The following PLEKHA6 variants were observed in gnomAD, a reference collection of about 807,000 sequenced individuals.
PLEKHA6 encodes the protein pleckstrin homology domain containing A6, also known as pleckstrin homology domain-containing family A member 6.
In PLEKHA6, 60 loss-of-function variants were observed where a neutral mutation model predicts 116.7. That is an observed-to-expected ratio of 0.51 (90% CI 0.42 to 0.64). PLEKHA6 has a LOEUF of 0.64. Among genes scored for constraint, PLEKHA6 ranks in the 30% least tolerant of loss-of-function variants. The probability of loss-of-function intolerance (pLI) is 0.00; values close to 1 mark genes in which losing one functional copy is unlikely to be tolerated. For synonymous variants in PLEKHA6, 489 were observed against 556.1 expected (o/e 0.88, Z 1.70); for missense variants, 1,338 against 1,422.7 (o/e 0.94, Z 0.96).
chr1:204,357,153 T>C (rs1179090609), intron 1 of PLEKHA6, among the ~76,000 whole-genome samples: 1 of 152,232 alleles, frequency 6.6e-6, no homozygotes, highest in Non-Finnish European at 1.5e-5. Context: ...GGGTGGAACT[T>C]AGAAGTCGGC....
chr1:204,225,995 A>G (rs1341140476), intron 21 of PLEKHA6, among the ~76,000 whole-genome samples: 3 of 152,244 alleles, frequency 2.0e-5, no homozygotes, highest in Admixed American at 2.0e-4. Flanking sequence ...CTCACTGATT[A>G]CTCTGTCCAT....
chr1:204,357,068 A>C (rs1414061255), intron 1 of PLEKHA6, among the ~76,000 whole-genome samples: 1 of 152,270 alleles, frequency 6.6e-6, no homozygotes, highest in Non-Finnish European at 1.5e-5. Context: ...TTTTAATCAA[A>C]AGAAAACTAT....
chr1:204,338,408 G>A (rs972645248), intron 1 of PLEKHA6, among the ~76,000 whole-genome samples: 4 of 152,080 alleles, frequency 2.6e-5, no homozygotes, highest in Admixed American at 6.6e-5. Flanking sequence ...ACCATCCCCC[G>A]CTCCATTAAG....
At chr1:204,252,829 C>T (rs1221558594) in intron 9 of PLEKHA6, among the ~76,000 whole-genome samples, 2 of 152,246 alleles carry the variant, frequency 1.3e-5, no homozygotes, top group Non-Finnish European at 2.9e-5. Context: ...ACCTCTTTAG[C>T]CCTGTAATGC....
At chr1:204,366,696 A>T (rs1165026665) in intron 3 of PLEKHA6, among the ~76,000 whole-genome samples, 1 of 152,150 alleles carries the variant, frequency 6.6e-6, no homozygotes, top group Admixed American at 6.5e-5. Context: ...CGGAGATGGA[A>T]ATTGCAGTGA....
At chr1:204,373,090 T>C (rs575498187) in intron 1 of PLEKHA6, among the ~76,000 whole-genome samples, 98 of 145,846 alleles carry the variant, frequency 6.7e-4, no homozygotes, top group Admixed American at 2.9e-3. Context: ...TTCTTTCTTT[T>C]TTTTTTTTTT....
Position 204,308,771 on chromosome 1 carries a change from C to T in PLEKHA6, c.-94-33962G>A, listed in dbSNP as rs1671521414. On this transcript the variant is annotated intron_variant, in intron 1 of 22. Transcript: ENST00000272203. ...TGGCACAATCTTGGCTCACTGCAAG[C>T]TCCGCCTCCCGGGTTCACGCCATTC... 2.8e-5 allele frequency among the ~76,000 whole-genome samples: 4 copies of T among 144,182 alleles called. No homozygotes were observed. In the South Asian group the frequency reaches 8.8e-4, roughly 32 times the overall value. 94.6% of individuals were successfully genotyped at this position (144,182 alleles called of 152,430 possible).
chr1:204,248,353 C>T lies in PLEKHA6; in HGVS notation c.1824+468G>A, dbSNP rs147535826. On this transcript the variant is annotated intron_variant, in intron 12 of 22. Transcript: ENST00000272203. ...ATTTTTAGTAGAGACAGGGTTTCTC[C>T]ATGTAGGTCAGGCTGGTCTCAAACT... Among the ~76,000 whole-genome samples the T allele has an allele frequency of 4.3e-3, 657 of 152,192 alleles. 3 individuals carry two copies. Among genetic ancestry groups the T allele is most frequent in the African/African-American group, 0.015 (630 of 41,510 alleles).
chr1:204,305,566 C>T (rs1671219143), intron 1 of PLEKHA6, among the ~76,000 whole-genome samples: 1 of 152,214 alleles, frequency 6.6e-6, no homozygotes, highest in Non-Finnish European at 1.5e-5. Flanking sequence ...TCAGTAAACA[C>T]CTGCTAAATT....
chr1:204,360,287 A>G (rs750864644), upstream of PLEKHA6, among the ~76,000 whole-genome samples: 9 of 149,108 alleles, frequency 6.0e-5, no homozygotes, highest in Non-Finnish European at 1.0e-4. Context: ...CAGCCTGGTG[A>G]TCACCTTTCA....
intron 1 of PLEKHA6, among the ~76,000 whole-genome samples, chr1:204,355,411 T>C (rs1194824800): frequency 1.3e-5 from 2 of 152,158 alleles, no homozygotes; most frequent in Non-Finnish European, 2.9e-5. Flanking sequence ...AGATTCAACC[T>C]GAGTTTGACC....
chr1:204,337,722 G>T lies in PLEKHA6; in HGVS notation c.-95+21972C>A, dbSNP rs559261155. On this transcript the variant is annotated intron_variant, in intron 1 of 22. Coordinates refer to ENST00000272203, the MANE Select transcript of PLEKHA6 (RefSeq NM_014935.5). ...AAGATGGCGGTCTCTCACTTGGGGG[G>T]GGAATCCAGGGAAAATGACTCACTT... Among the ~76,000 whole-genome samples the T allele has an allele frequency of 2.6e-5, 4 of 152,270 alleles. No homozygotes were observed. The East Asian group carries it at 5.8e-4, about 22-fold the overall frequency.
At chr1:204,375,230 T>C (rs1182246773) in intron 1 of PLEKHA6, among the ~76,000 whole-genome samples, 3 of 152,032 alleles carry the variant, frequency 2.0e-5, no homozygotes, top group African/African-American at 7.3e-5. Flanking sequence ...AGCCCAGGCC[T>C]CTCTCTTCAA....
Position 204,317,843 on chromosome 1 carries a change from C to T in PLEKHA6, c.-95+41851G>A, listed in dbSNP as rs1671917849. Among the ~76,000 whole-genome samples, 3 of 152,216 alleles carry T rather than the reference C, an allele frequency of 2.0e-5. No individual in the cohort carries two copies. The South Asian group carries it at 6.2e-4, about 31-fold the overall frequency. On this transcript the variant is annotated intron_variant, in intron 1 of 22. Transcript: ENST00000272203. ...CACACACACAATATGAGAATCCTGA[C>T]TCAGCCACTTAATCTTTCTATGCTT... is the stretch of plus-strand genomic sequence containing the variant.
At chr1:204,327,563 C>T (rs973309929) in intron 1 of PLEKHA6, among the ~76,000 whole-genome samples, 1 of 152,250 alleles carries the variant, frequency 6.6e-6, no homozygotes, top group Admixed American at 6.5e-5. Flanking sequence ...AAGCAGACTT[C>T]CTCATCTGTC....
chr1:204,288,415 G>A (rs902541805), intron 1 of PLEKHA6, among the ~76,000 whole-genome samples: 1 of 152,208 alleles, frequency 6.6e-6, no homozygotes, highest in Non-Finnish European at 1.5e-5. Flanking sequence ...CACCCAGGCC[G>A]CCCCGCCTGA....
At chr1:204,242,686 C>T (rs758481792) in intron 15 of PLEKHA6, among the ~76,000 whole-genome samples, 5 of 152,126 alleles carry the variant, frequency 3.3e-5, no homozygotes, top group African/African-American at 9.7e-5. Flanking sequence ...TGAAACCCAA[C>T]GAGGATACAA....
chr1:204,356,639 C>A (rs1226631801), intron 1 of PLEKHA6, among the ~76,000 whole-genome samples: 1 of 151,818 alleles, frequency 6.6e-6, no homozygotes, highest in East Asian at 1.9e-4. Flanking sequence ...AAAATGCTTT[C>A]TGTTTAAGTG....
At chr1:204,306,502 A>C (rs1671321301) in intron 1 of PLEKHA6, among the ~76,000 whole-genome samples, 1 of 152,164 alleles carries the variant, frequency 6.6e-6, no homozygotes, top group Admixed American at 6.5e-5. Context: ...ATCCTGCCCA[A>C]TTCTGAGGCA....
Sources: allele counts gnomAD v4.1 joint callset (sites outside exome capture counted in the v4.1 genomes callset), GRCh38; gene constraint gnomAD v4.1.1; transcripts MANE v1.5; gene names NCBI Gene and HGNC (gene_info 2026-07-23, HGNC 2026-07-21).